Variants in NPAS3 observed in about 807,000 individuals in gnomAD.
NPAS3 encodes neuronal PAS domain protein 3.
NPAS3 carries 14 observed loss-of-function variants against 73.1 expected under a neutral mutation model. The ratio of observed to expected loss-of-function variants is 0.19; its 90% CI spans 0.13 to 0.30. The LOEUF is 0.30. NPAS3 is among the 10% of genes least tolerant of loss of function. NPAS3 has a pLI of 1.00. For missense variants in NPAS3, 1,096 were observed against 1,250.0 expected, an observed-to-expected ratio of 0.88 and a Z score of 1.86; for synonymous variants, 620 against 541.5, an observed-to-expected ratio of 1.14 and a Z score of -2.01.
intron 3 of NPAS3, among the ~76,000 whole-genome samples, chr14:33,234,626 G>T (rs1023102303): frequency 3.9e-5 from 6 of 152,028 alleles, no homozygotes; most frequent in African/African-American, 1.2e-4. Context: ...GCTGTGTGGT[G>T]GCTAGACCAG....
At chr14:32,935,798 A>C (rs2035677587), upstream of NPAS3, among the ~76,000 whole-genome samples, 1 of 152,382 alleles carries the variant, frequency 6.6e-6, no homozygotes. Context: ...AGAACCCTGA[A>C]GTTTTTCCTG....
At chr14:33,062,594 G>C (rs988451772) in intron 2 of NPAS3, among the ~76,000 whole-genome samples, 5 of 152,212 alleles carry the variant, frequency 3.3e-5, no homozygotes, top group African/African-American at 1.2e-4. Flanking sequence ...TATGAGAGAA[G>C]TGACTACCTA....
intron 1 of NPAS3, among the ~76,000 whole-genome samples, chr14:32,975,389 T>C (rs909444958): frequency 5.3e-5 from 8 of 150,412 alleles, no homozygotes; most frequent in Admixed American, 2.0e-4. Context: ...GGCACCATTA[T>C]AGCTCACTGT....
intron 6 of NPAS3, among the ~76,000 whole-genome samples, chr14:33,705,522 A>C (rs190743280): frequency 2.0e-4 from 30 of 152,340 alleles, no homozygotes; most frequent in African/African-American, 6.3e-4. Flanking sequence ...AAGAATGAAA[A>C]AGACTTTCTT....
intron 5 of NPAS3, chr14:33,612,682 A>G (rs2057788619): frequency 2.9e-6 from 1 of 350,252 alleles, no homozygotes; most frequent in Non-Finnish European, 5.6e-6. Flanking sequence ...TAAAGAGCAA[A>G]CTTTACATTT....
At chr14:33,062,624 T>G (rs971079201) in intron 2 of NPAS3, among the ~76,000 whole-genome samples, 1 of 152,202 alleles carries the variant, frequency 6.6e-6, no homozygotes, top group Non-Finnish European at 1.5e-5. Context: ...AAATAATTGG[T>G]TGGTGACACA....
chr14:33,696,612 A>G (rs2060389343), intron 6 of NPAS3, among the ~76,000 whole-genome samples: 2 of 152,164 alleles, frequency 1.3e-5, no homozygotes, highest in South Asian at 4.1e-4. Flanking sequence ...TACCATATCC[A>G]TAGCAGCTGC....
chr14:33,363,193 C>T (rs1036395828), intron 3 of NPAS3, among the ~76,000 whole-genome samples: 1 of 152,158 alleles, frequency 6.6e-6, no homozygotes, highest in Non-Finnish European at 1.5e-5. Flanking sequence ...TGAGTGCCTC[C>T]CCTGAGGTGA....
At chr14:33,022,153 T>C (rs2039621322) in intron 1 of NPAS3, among the ~76,000 whole-genome samples, 1 of 152,222 alleles carries the variant, frequency 6.6e-6, no homozygotes. Flanking sequence ...CTTTAAAAGG[T>C]ATATTTACCT....
chr14:33,480,246 C>G (rs1275106489), intron 4 of NPAS3, among the ~76,000 whole-genome samples: 1 of 152,142 alleles, frequency 6.6e-6, no homozygotes, highest in Admixed American at 6.5e-5. Context: ...TTAATAAGAA[C>G]TGACAGTTGT....
intron 4 of NPAS3, among the ~76,000 whole-genome samples, chr14:33,469,318 G>A (rs561023587): frequency 2.0e-5 from 3 of 147,920 alleles, no homozygotes; most frequent in South Asian, 4.2e-4. Context: ...AAAAAAGAGT[G>A]TGTGTGTATG....
chr14:33,626,582 C>T (rs1174612845), intron 5 of NPAS3, among the ~76,000 whole-genome samples: 4 of 152,150 alleles, frequency 2.6e-5, no homozygotes, highest in Admixed American at 6.5e-5. Flanking sequence ...AGAATGACAA[C>T]ATCATTCAAT....
At chr14:33,308,529 CAT>C (rs1279424677) in intron 3 of NPAS3, among the ~76,000 whole-genome samples, 1,440 of 116,460 alleles carry the variant, frequency 0.012, 79 homozygotes, top group African/African-American at 0.047. Context: ...TATATATATA[CAT>C]ACACACACAC....
intron 1 of NPAS3, among the ~76,000 whole-genome samples, chr14:33,009,470 A>G (rs1164097579): frequency 6.6e-6 from 1 of 152,168 alleles, no homozygotes; most frequent in Admixed American, 6.5e-5. Flanking sequence ...ATGGTGAGGC[A>G]GAGAGCATCT....
In NPAS3 at chr14:33,402,000, G is replaced by C. The variant is rs564180831; in HGVS notation, c.468+34732G>C. On this transcript the variant is annotated intron_variant, in intron 4 of 11. Coordinates refer to ENST00000356141, the Ensembl canonical transcript of NPAS3. ...TAACTTATCTTCCTGTGGCCTGGAA[G>C]AGACGACTGATGACCAAGGCATGTC... Among the ~76,000 whole-genome samples, 413 of 152,220 alleles carry C rather than the reference G, an allele frequency of 2.7e-3. 2 individuals are homozygous for C. Among genetic ancestry groups the C allele is most frequent in the Non-Finnish European group, 3.2e-3 (215 of 67,978 alleles).
At chr14:33,370,659 A>G (rs2046047364) in intron 4 of NPAS3, among the ~76,000 whole-genome samples, 1 of 152,186 alleles carries the variant, frequency 6.6e-6, no homozygotes, top group Admixed American at 6.5e-5. Context: ...ACTGATATAA[A>G]GAGACCATTT....
At chr14:33,232,011 T>C (rs1260934076) in intron 3 of NPAS3, among the ~76,000 whole-genome samples, 3 of 152,198 alleles carry the variant, frequency 2.0e-5, no homozygotes, top group Non-Finnish European at 4.4e-5. Context: ...AATTGGTATG[T>C]ATTTCATAAT....
intron 3 of NPAS3, among the ~76,000 whole-genome samples, chr14:33,328,607 G>A (rs972424116): frequency 6.6e-6 from 1 of 151,032 alleles, no homozygotes; most frequent in South Asian, 2.1e-4. Flanking sequence ...ACAGGCGCCC[G>A]CCACCACGCC....
intron 2 of NPAS3, among the ~76,000 whole-genome samples, chr14:33,199,089 C>T (rs940723336): frequency 4.6e-5 from 7 of 152,124 alleles, no homozygotes; most frequent in African/African-American, 1.4e-4. Flanking sequence ...CTGCGAGCTC[C>T]GTGTGCAGCC....
Sources: gnomAD v4.1 joint callset for allele counts (sites outside exome capture counted in the v4.1 genomes callset) on GRCh38, gnomAD v4.1.1 for gene constraint, MANE v1.5 for transcripts, NCBI Gene and HGNC (gene_info 2026-07-23, HGNC 2026-07-21) for gene names.